The following PLCE1 variants were observed in gnomAD, a reference collection of about 807,000 sequenced individuals.
PLCE1 encodes phospholipase C epsilon 1.
PLCE1 carries 119 observed loss-of-function variants against 242.8 expected under a neutral mutation model. That is an observed-to-expected ratio of 0.49 (90% confidence interval 0.42 to 0.57). The LOEUF is 0.57. PLCE1 is among the 20% of genes least tolerant of loss of function. The probability of loss-of-function intolerance (pLI) is 0.00; values close to 1 mark genes in which losing one functional copy is unlikely to be tolerated. For missense variants in PLCE1, 2,441 were observed against 2,788.8 expected (o/e 0.88, Z 2.81); for synonymous variants, 945 against 1,017.4 (o/e 0.93, Z 1.35).
At chr10:94,077,527 A>T (rs537829859) in intron 2 of PLCE1, among the ~76,000 whole-genome samples, 1 of 152,316 alleles carries the variant, frequency 6.6e-6, no homozygotes, top group Admixed American at 6.5e-5. Context: ...TGGGAGGCCA[A>T]GGTGAGAGAA....
chr10:94,000,686 T>A (rs1357270189), intron 1 of PLCE1, among the ~76,000 whole-genome samples: 4 of 152,202 alleles, frequency 2.6e-5, no homozygotes, highest in African/African-American at 9.7e-5. Context: ...CTGAATGGTG[T>A]TGCAGCTGCA....
intron 30 of PLCE1, among the ~76,000 whole-genome samples, chr10:94,323,749 T>TA (rs1252315454): frequency 6.6e-6 from 1 of 152,228 alleles, no homozygotes; most frequent in Non-Finnish European, 1.5e-5. Context: ...GGCCCAGACT[T>TA]ACATTTCTTT....
intron 2 of PLCE1, among the ~76,000 whole-genome samples, chr10:94,123,408 T>C (rs2046352715): frequency 6.6e-6 from 1 of 152,328 alleles, no homozygotes; most frequent in South Asian, 2.1e-4. Flanking sequence ...GTCTTTATGT[T>C]TGTCTTTCCG....
At chr10:94,039,016 C>T (rs189486209) in intron 2 of PLCE1, among the ~76,000 whole-genome samples, 4 of 152,118 alleles carry the variant, frequency 2.6e-5, no homozygotes, top group African/African-American at 4.8e-5. Context: ...TCTTTCACTT[C>T]GCATAATCTT....
rs757606247 is a variant in PLCE1, at chr10:94,246,367, C to T, written c.2842C>T (p.His948Tyr). 8.7e-6 allele frequency: 14 copies of T among 1,614,010 alleles called. No individual in the cohort carries two copies. Among genetic ancestry groups the T allele is most frequent in the Non-Finnish European group, 1.0e-5 (12 of 1,180,018 alleles). The change falls in exon 8 of 33, where the codon CAC becomes TAC. Residue 948 changes from histidine to tyrosine, a missense_variant. Around this residue, in one of 5 missense-constraint regions of PLCE1, gnomAD observed 733 missense variants for 754.2 expected, o/e 0.97. Coordinates refer to ENST00000371380, the MANE Select transcript of PLCE1 (RefSeq NM_016341.4). The stretch of plus-strand genomic sequence containing the variant: ...TGCAGTGAAGGCTGTATACATGGGC[C>T]ACCCTGGCATTGATATACACACTGT... The part of the protein sequence containing the change: ...LFAVKAVYMG[H>Y]PGIDIHTVCV...
intron 2 of PLCE1, among the ~76,000 whole-genome samples, chr10:94,045,230 T>A (rs1180700036): frequency 6.6e-6 from 1 of 152,106 alleles, no homozygotes; most frequent in Non-Finnish European, 1.5e-5. Flanking sequence ...CGTCAAGTAA[T>A]CCTCTTGCCT....
chr10:94,097,308 T>C (rs1279702426), intron 2 of PLCE1, among the ~76,000 whole-genome samples: 3 of 152,126 alleles, frequency 2.0e-5, no homozygotes, highest in Non-Finnish European at 2.9e-5. Context: ...GCACTGGAGG[T>C]ATGCTGTGTT....
chr10:94,268,417 G>A (rs2051591636), intron 16 of PLCE1, among the ~76,000 whole-genome samples: 1 of 152,182 alleles, frequency 6.6e-6, no homozygotes, highest in Admixed American at 6.5e-5. Context: ...CTTCTTACAT[G>A]TTATGCATTC....
At chr10:94,145,288 C>T (rs2047079778) in intron 3 of PLCE1, among the ~76,000 whole-genome samples, 1 of 152,152 alleles carries the variant, frequency 6.6e-6, no homozygotes, top group South Asian at 2.1e-4. Flanking sequence ...CTCTCTACTT[C>T]CTGGGAACTG....
intron 3 of PLCE1, among the ~76,000 whole-genome samples, chr10:94,168,151 C>T (rs374999331): frequency 6.6e-6 from 1 of 152,130 alleles, no homozygotes; most frequent in Non-Finnish European, 1.5e-5. Context: ...TAGAGCTACT[C>T]GGTTTTAAAT....
intron 22 of PLCE1, among the ~76,000 whole-genome samples, chr10:94,290,696 A>G (rs756718505): frequency 6.6e-6 from 1 of 151,822 alleles, no homozygotes; most frequent in Non-Finnish European, 1.5e-5. Context: ...AACTTAAAAA[A>G]AAGTATATAT....
rs1413637104 is a variant in PLCE1 at position 94,227,456 on chromosome 10, A to T, written c.1955+5A>T. 1 of 1,613,234 alleles carries T rather than the reference A, an allele frequency of 6.2e-7. No individual in the cohort carries two copies. Among genetic ancestry groups the T allele is most frequent in the South Asian group, 1.1e-5 (1 of 91,064 alleles). On this transcript the variant is annotated splice_donor_5th_base_variant and intron_variant, in intron 5 of 32. Coordinates refer to ENST00000371380, the MANE Select transcript of PLCE1 (RefSeq NM_016341.4). The stretch of plus-strand genomic sequence containing the variant: ...GGAGTTCTTGGCTGGCCTCAGGTAT[A>T]GTCAGTGGGGAATATGGTTATCTTG...
At chr10:94,182,265 T>TTTTTA (rs1056162909) in intron 4 of PLCE1, among the ~76,000 whole-genome samples, 5 of 151,858 alleles carry the variant, frequency 3.3e-5, no homozygotes, top group Non-Finnish European at 7.4e-5. Flanking sequence ...CTTCATTTCT[T>TTTTTA]TTTTATTTTA....
In PLCE1 at chr10:94,031,448, G is replaced by C. The variant is rs1251371175; in HGVS notation, c.402G>C (p.Leu134Phe). ...ACAACTCTGTTGCTGAGGAAGACTT[G>C]TGTTTAGAAACTGGAATTCCTTCTC... is the stretch of plus-strand genomic sequence containing the variant. ...EMYNSVAEED[L>F]CLETGIPSPL... is the part of the protein sequence containing the mutation. Residue 134 changes from leucine to phenylalanine, a missense_variant, in exon 2 of 33, where the codon TTG (leucine) becomes TTC (phenylalanine). This residue lies in a region of PLCE1 where 393 missense variants were observed against 378.5 expected (regional missense o/e 1.04). Transcript: ENST00000371380. 1.2e-6 allele frequency: 2 copies of C among 1,613,706 alleles called. No homozygotes were observed. Among genetic ancestry groups the C allele is most frequent in the Non-Finnish European group, 1.7e-6 (2 of 1,179,836 alleles).
chr10:94,262,958 G>A (rs775232188), intron 14 of PLCE1, among the ~76,000 whole-genome samples: 1 of 148,268 alleles, frequency 6.7e-6, no homozygotes, highest in African/African-American at 2.5e-5. Flanking sequence ...TACAACCTCC[G>A]CCTCCCAGGT....
At chr10:94,252,174 A>G in intron 8 of PLCE1, 142 bp from the exon 9 acceptor site, 1 of 709,842 alleles carries the variant, frequency 1.4e-6, no homozygotes, top group South Asian at 1.7e-5. Flanking sequence ...GTTAGAAAAC[A>G]GTCACTTGGG....
At chr10:94,130,800 G>A (rs757314615) in intron 2 of PLCE1, among the ~76,000 whole-genome samples, 13 of 152,174 alleles carry the variant, frequency 8.5e-5, no homozygotes, top group Non-Finnish European at 1.5e-4. Flanking sequence ...GTGCATTCTG[G>A]GGTATCATAA....
At chr10:94,281,963 C>G (rs1048451957) in intron 20 of PLCE1, among the ~76,000 whole-genome samples, 2 of 151,610 alleles carry the variant, frequency 1.3e-5, no homozygotes, top group Non-Finnish European at 2.9e-5. Flanking sequence ...TGGGAAGCAC[C>G]GTTACCAGCC....
At position 94,200,453 on chromosome 10, in the gene PLCE1, A is replaced by G. The variant is rs574301692; in HGVS notation, c.1810-26853A>G. On this transcript the variant is annotated intron_variant, in intron 4 of 32. Transcript: ENST00000371380. ...CAACTTGCAAGACAAAGTAAAGGAA[A>G]AATATATTATAACCAAAAGTATAAA... is the stretch of plus-strand genomic sequence containing the variant. 1.9e-3 allele frequency among the ~76,000 whole-genome samples: 293 copies of G among 152,350 alleles called. 1 individual carries two copies. The highest frequency in any genetic ancestry group is 3.4e-3 in the Middle Eastern group (1 of 294).
Sources: allele counts gnomAD v4.1 joint callset (sites outside exome capture counted in the v4.1 genomes callset), GRCh38; gene constraint gnomAD v4.1.1; regional missense constraint gnomAD v4.1.1; transcripts MANE v1.5; gene names NCBI Gene and HGNC (gene_info 2026-07-23, HGNC 2026-07-21).